The following PAOX variants were observed in gnomAD, a reference collection of about 807,000 sequenced individuals.
PAOX encodes polyamine oxidase.
In PAOX, 38 loss-of-function variants were observed where a neutral mutation model predicts 39.0. The ratio of observed to expected loss-of-function variants is 0.97; its 90% CI spans 0.75 to 1.28. PAOX has a LOEUF of 1.28. Among genes scored for constraint, PAOX ranks in the 50% most tolerant of loss-of-function variants. The probability of loss-of-function intolerance (pLI) is 0.00; values close to 1 mark genes in which losing one functional copy is unlikely to be tolerated. For synonymous variants in PAOX, 311 were observed against 314.4 expected (o/e 0.99, Z 0.11); for missense variants, 667 against 685.7 (o/e 0.97, Z 0.30).
chr10:133,387,672 T>G lies in PAOX; in HGVS notation c.1122-1284T>G, dbSNP rs12260805. On this transcript the variant is annotated intron_variant, in intron 4 of 6. Transcript: ENST00000278060. ...CTAGGTGAGTCCTCCACGGCCACCG[T>G]GCACCACGCGCAGCAGGAGTGTTCT... 1.3e-3 allele frequency among the ~76,000 whole-genome samples: 204 copies of G among 152,368 alleles called. 2 individuals are homozygous for G. The highest frequency in any genetic ancestry group is 4.9e-3 in the African/African-American group (202 of 41,592).
intron 5 of PAOX, 84 bp from the exon 6 acceptor site, chr10:133,389,506 T>C: frequency 6.3e-7 from 1 of 1,576,216 alleles, no homozygotes; most frequent in South Asian, 1.1e-5. Flanking sequence ...CACGTTAAAC[T>C]GCTCAATCTT....
Position 133,391,399 on chromosome 10 carries a change from G to T in PAOX, c.1480G>T (p.Asp494Tyr). The T allele has an allele frequency of 6.2e-7, 1 of 1,613,100 alleles. No homozygotes were observed. The highest frequency in any genetic ancestry group is 8.5e-7 in the Non-Finnish European group (1 of 1,180,010). ...GALLSGWREA[D>Y]RLLSLWAPQV... ...TCTGCTGTCGGGATGGAGGGAGGCC[G>T]ACCGCCTCCTCAGTCTGTGGGCCCC... Residue 494 changes from aspartate (D) to tyrosine (Y), a missense_variant, in exon 7 of 7, where the codon GAC (aspartate) becomes TAC (tyrosine). Physicochemically the swap from Asp to Tyr is radical, Grantham distance 160. Coordinates refer to ENST00000278060, the MANE Select transcript of PAOX (RefSeq NM_152911.4).
In PAOX at chr10:133,391,512, C is replaced by T; in HGVS notation, c.*57C>T. 1.3e-6 allele frequency: 2 copies of T among 1,537,188 alleles called. No individual in the cohort carries two copies. Among genetic ancestry groups the T allele is most frequent in the Non-Finnish European group, 1.7e-6 (2 of 1,145,136 alleles). On this transcript the variant is annotated 3_prime_UTR_variant, in exon 7 of 7. Transcript: ENST00000278060. Reference sequence around the variant, plus strand: ...CGGGGGTAGGCTGGGACCCTCATTTCTTCTGACAGATTTCAGTCTGGCTTG... The same window carrying T: ...CGGGGGTAGGCTGGGACCCTCATTTTTTCTGACAGATTTCAGTCTGGCTTG...
chr10:133,389,826 A>G, intron 6 of PAOX, 79 bp downstream of exon 6: 1 of 1,358,702 alleles, frequency 7.4e-7, no homozygotes, highest in East Asian at 2.9e-5. Context: ...CAGGAGCACC[A>G]GCCAGTGGCG....
chr10:133,387,822 G>A (rs1451743404), intron 4 of PAOX, among the ~76,000 whole-genome samples: 2 of 152,216 alleles, frequency 1.3e-5, no homozygotes, highest in African/African-American at 2.4e-5. Flanking sequence ...CCGGGTTCAT[G>A]CCATTCTCCT....
chr10:133,379,448 G>A lies in PAOX; in HGVS notation c.132G>A (p.Leu44=). The change falls in exon 1 of 7, where the codon CTG becomes CTA. Residue 44 remains leucine, a synonymous_variant. Coordinates refer to ENST00000278060, the MANE Select transcript of PAOX (RefSeq NM_152911.4). Reference sequence around the variant, plus strand: ...CCGCCTTCCCGCACCTGCGGGTCCTGGAGGCCACGGCCCGCGCCGGGGGCC... The same window carrying A: ...CCGCCTTCCCGCACCTGCGGGTCCTAGAGGCCACGGCCCGCGCCGGGGGCC... ...GHSAFPHLRV[L]EATARAGGRI... 3 of 1,225,270 alleles carry A rather than the reference G, an allele frequency of 2.4e-6. No individual in the cohort carries two copies. Among genetic ancestry groups the A allele is most frequent in the Non-Finnish European group, 3.0e-6 (3 of 983,982 alleles). The allele number at this position is 1,225,270 out of a possible 1,614,324, so 75.9% of individuals were successfully genotyped here. A position where few individuals can be genotyped will look rare whatever the true frequency, so the allele number is the denominator to read the frequency against.
chr10:133,386,005 C>G (rs1040478992), intron 4 of PAOX, among the ~76,000 whole-genome samples: 1 of 142,868 alleles, frequency 7.0e-6, no homozygotes, highest in Non-Finnish European at 1.5e-5. Flanking sequence ...GCAGTTTTGT[C>G]TTTTCTGCAA....
At chr10:133,391,114 G>T (rs1476600281) in intron 6 of PAOX, 198 bp from the exon 7 acceptor site, 1 of 707,154 alleles carries the variant, frequency 1.4e-6, no homozygotes, top group Non-Finnish European at 2.6e-6. Flanking sequence ...CTGTTTTCCT[G>T]CCCGTTGGTG....
In PAOX at chr10:133,389,051, T is replaced by A; in HGVS notation, c.1217T>A (p.Val406Glu). The A allele has an allele frequency of 6.2e-7, 1 of 1,613,772 alleles. No individual in the cohort carries two copies. Among genetic ancestry groups the A allele is most frequent in the East Asian group, 2.2e-5 (1 of 44,894 alleles). ...GAAGTACTTCTGTGTCTCACCCAAG[T>A]GCTCCGGAGAGTGACAGGTAGGTAC... is the stretch of plus-strand genomic sequence containing the variant. ...DEEVLLCLTQ[V>E]LRRVTGNPRL... is the part of the protein sequence containing the mutation. Residue 406 changes from valine to glutamate, a missense_variant, in exon 5 of 7, where the codon GTG becomes GAG. Physicochemically the swap from Val to Glu is moderately radical, Grantham distance 121. Coordinates refer to ENST00000278060, the MANE Select transcript of PAOX (RefSeq NM_152911.4).
intron 2 of PAOX, 91 bp from the exon 3 acceptor site, chr10:133,381,369 G>C: frequency 2.4e-6 from 3 of 1,256,802 alleles, no homozygotes; most frequent in African/African-American, 2.9e-5. Flanking sequence ...AGCTACCTTT[G>C]ATGCGGGTGG....
In PAOX at chr10:133,380,361, G is replaced by A. The variant is rs936108898; in HGVS notation, c.544G>A (p.Ala182Thr). The A allele has an allele frequency of 2.5e-6, 4 of 1,612,948 alleles. No individual in the cohort carries two copies. Among genetic ancestry groups the A allele is most frequent in the Non-Finnish European group, 3.4e-6 (4 of 1,180,042 alleles). Residue 182 changes from alanine to threonine, a missense_variant, in exon 2 of 7, where the codon GCC becomes ACC. Coordinates refer to ENST00000278060, the MANE Select transcript of PAOX (RefSeq NM_152911.4). ...TGAGGAGACCAGGAAGCTGAAGCTG[G>A]CCGTCCTGAACTCCTTCTTCAACCT... is the stretch of plus-strand genomic sequence containing the variant. ...EDEETRKLKL[A>T]VLNSFFNLEC...
Position 133,389,672 on chromosome 10 carries a change from C to T in PAOX, c.1317C>T (p.Tyr439=), listed in dbSNP as rs368369094. ...CGTACACTAGGGGGTCCTACAGCTA[C>T]GTGGCCGTGGGCAGTACTGGGGGCG... ...SAPYTRGSYS[Y]VAVGSTGGDL... The change falls in exon 6 of 7, where the codon TAC becomes TAT. Residue 439 remains tyrosine, a synonymous_variant. Transcript: ENST00000278060. 17 of 1,612,350 alleles carry T rather than the reference C, an allele frequency of 1.1e-5. 1 individual carries two copies. In the South Asian group the frequency reaches 1.3e-4, roughly 13 times the overall value.
chr10:133,387,389 GTCTT>G (rs1278067017), intron 4 of PAOX, among the ~76,000 whole-genome samples: 2 of 152,190 alleles, frequency 1.3e-5, no homozygotes, highest in Admixed American at 6.5e-5. Context: ...TCTCAGAAAA[GTCTT>G]TCAGGATTGG....
At chr10:133,389,995 GC>G (rs1412805588) in intron 6 of PAOX, among the ~76,000 whole-genome samples, 14 of 152,218 alleles carry the variant, frequency 9.2e-5, no homozygotes, top group Non-Finnish European at 2.1e-4. Context: ...GGCAGGTGGA[GC>G]CCCTTTTGCC....
At chr10:133,379,571 G>GATTCTGCCCCA in intron 1 of PAOX, 74 bp downstream of exon 1, 1 of 1,165,728 alleles carries the variant, frequency 8.6e-7, no homozygotes, top group Non-Finnish European at 1.1e-6. Context: ...AACCTGCCCT[G>GATTCTGCCCCA]CGCGCAGCCG....
rs775135186 is a variant in PAOX at position 133,383,943 on chromosome 10, C to A, written c.869-17C>A. ...GGGCTTTATGTGATGTAAGAAGAGT[C>A]CAATTCTGAATTCCAGGTTTTCTTA... On this transcript the variant is annotated splice_polypyrimidine_tract_variant and intron_variant, in intron 3 of 6. Coordinates refer to ENST00000278060, the MANE Select transcript of PAOX (RefSeq NM_152911.4). 4 of 1,607,602 alleles carry A rather than the reference C, an allele frequency of 2.5e-6. No individual in the cohort carries two copies. The highest frequency in any genetic ancestry group is 2.5e-6 in the Non-Finnish European group (3 of 1,176,512).
At chr10:133,391,048 G>A (rs929705890) in intron 6 of PAOX, 39 of 697,324 alleles carry the variant, frequency 5.6e-5, no homozygotes, top group East Asian at 4.3e-4. Flanking sequence ...CCGTTTTCCC[G>A]CCCGTTGGTG....
At chr10:133,390,410 CCACACA>C (rs59249557) in intron 6 of PAOX, among the ~76,000 whole-genome samples, 25,896 of 145,258 alleles carry the variant, frequency 0.18, 2,413 homozygotes, top group East Asian at 0.37. Context: ...GAGTCGGTCT[CCACACA>C]CACACACACA....
chr10:133,380,229 A>C lies in PAOX; in HGVS notation c.412A>C (p.Ile138Leu). 6.2e-7 allele frequency: 1 copy of C among 1,612,876 alleles called. No homozygotes were observed. Among genetic ancestry groups the C allele is most frequent in the Non-Finnish European group, 8.5e-7 (1 of 1,180,010 alleles). The change falls in exon 2 of 7, where the codon ATA becomes CTA. Residue 138 changes from isoleucine (I) to leucine (L), a missense_variant. Transcript: ENST00000278060. ...AEMATLFYGL[I>L]DQTREFLHAA... ...GATGGCGACTCTGTTCTACGGCCTG[A>C]TAGACCAGACCCGGGAGTTCCTGCA...
Sources: gnomAD v4.1 joint callset for allele counts (sites outside exome capture counted in the v4.1 genomes callset) on GRCh38, gnomAD v4.1.1 for gene constraint, MANE v1.5 for transcripts, NCBI Gene and HGNC (gene_info 2026-07-23, HGNC 2026-07-21) for gene names.